The following LRRC28 variants were observed in gnomAD, a reference collection of about 807,000 sequenced individuals.
LRRC28 encodes leucine rich repeat containing 28.
LRRC28 carries 39 observed loss-of-function variants against 45.7 expected under a neutral mutation model. That is an observed-to-expected ratio of 0.85 (90% CI 0.66 to 1.12). The LOEUF (loss-of-function observed/expected upper bound fraction) is 1.12. Ranked by LOEUF, LRRC28 falls within the 50% of genes most tolerant of loss-of-function variation. LRRC28 has a pLI of 0.00. For missense variants in LRRC28, 435 were observed against 438.5 expected (o/e 0.99, Z 0.07); for synonymous variants, 206 against 178.8 (o/e 1.15, Z -1.22).
At chr15:99,333,654 G>T in intron 5 of LRRC28, 2 of 493,842 alleles carry the variant, frequency 4.0e-6, no homozygotes, top group Non-Finnish European at 7.3e-6. Context: ...ACAGACTTCT[G>T]GTTCAGACTC....
At chr15:99,326,112 A>G (rs970069024) in intron 5 of LRRC28, among the ~76,000 whole-genome samples, 1 of 151,936 alleles carries the variant, frequency 6.6e-6, no homozygotes, top group African/African-American at 2.4e-5. Flanking sequence ...TTTGTTCTGT[A>G]TTTCTCTCTA....
intron 6 of LRRC28, among the ~76,000 whole-genome samples, chr15:99,343,635 T>C (rs936277790): frequency 1.3e-5 from 2 of 152,258 alleles, no homozygotes; most frequent in Non-Finnish European, 2.9e-5. Flanking sequence ...CCTTGCGTTA[T>C]AGATTTTACA....
At chr15:99,361,539 T>A in intron 8 of LRRC28, 28 bp downstream of exon 8, 1 of 1,554,352 alleles carries the variant, frequency 6.4e-7, no homozygotes, top group Non-Finnish European at 8.7e-7. Flanking sequence ...TTTTCTTATT[T>A]TTCTCTCTCA....
chr15:99,292,496 C>G, intron 5 of LRRC28, among the ~76,000 whole-genome samples: 1 of 151,390 alleles, frequency 6.6e-6, no homozygotes, highest in Non-Finnish European at 1.5e-5. Flanking sequence ...TCCCGAGTAG[C>G]TGGGACTACA....
chr15:99,355,912 T>C (rs1597417786), intron 7 of LRRC28, among the ~76,000 whole-genome samples: 1 of 152,318 alleles, frequency 6.6e-6, no homozygotes, highest in South Asian at 2.1e-4. Flanking sequence ...ACCAGTATAC[T>C]AAAAGTATCC....
chr15:99,258,364 C>G lies in LRRC28; in HGVS notation c.168+2239C>G, dbSNP rs1233369585. 8 of 1,246,976 alleles carry G rather than the reference C, an allele frequency of 6.4e-6. No homozygotes were observed. The East Asian group carries it at 6.9e-5, about 11-fold the overall frequency. 77.2% of individuals were successfully genotyped at this position (1,246,976 alleles called of 1,614,324 possible). A position where few individuals can be genotyped will look rare whatever the true frequency, so the allele number is the denominator to read the frequency against. Reference sequence around the variant, plus strand: ...CTCTAGGACGGGGAACGACCATTACCCTTGTCTTAAAAGAAAAAGCATTTG... The same window carrying G: ...CTCTAGGACGGGGAACGACCATTACGCTTGTCTTAAAAGAAAAAGCATTTG... On this transcript the variant is annotated intron_variant, in intron 2 of 9. Transcript: ENST00000301981.
intron 5 of LRRC28, among the ~76,000 whole-genome samples, chr15:99,289,849 C>T (rs1470553010): frequency 4.9e-5 from 7 of 141,422 alleles, no homozygotes; most frequent in Non-Finnish European, 7.5e-5. Context: ...AGGAGAATGG[C>T]GTGAACCCGG....
intron 2 of LRRC28, chr15:99,259,424 A>G: frequency 1.4e-6 from 2 of 1,404,952 alleles, no homozygotes; most frequent in Middle Eastern, 1.8e-4. Flanking sequence ...CAGTGAGAAA[A>G]CTAAGGAGAG....
intron 2 of LRRC28, among the ~76,000 whole-genome samples, chr15:99,270,273 G>C (rs997415273): frequency 2.0e-5 from 3 of 152,022 alleles, no homozygotes; most frequent in African/African-American, 7.3e-5. Context: ...GAATTTATTG[G>C]GGTGAAACTG....
chr15:99,288,571 A>G (rs9920227), intron 5 of LRRC28, among the ~76,000 whole-genome samples: 96,060 of 151,532 alleles, frequency 0.63, 30,506 homozygotes, highest in Middle Eastern at 0.76. Context: ...TGGTAGAGAT[A>G]GGGTTTCACC....
chr15:99,271,479 A>G (rs2152154033), intron 2 of LRRC28, among the ~76,000 whole-genome samples: 1 of 152,214 alleles, frequency 6.6e-6, no homozygotes. Flanking sequence ...GGGTTTCACC[A>G]TGTTGGCCAG....
intron 3 of LRRC28, among the ~76,000 whole-genome samples, chr15:99,279,996 G>C (rs2081737769): frequency 6.6e-6 from 1 of 152,072 alleles, no homozygotes; most frequent in African/African-American, 2.4e-5. Context: ...TGTTATTTTA[G>C]TCATTTGGAT....
At chr15:99,292,203 C>T (rs1205808183) in intron 5 of LRRC28, among the ~76,000 whole-genome samples, 2 of 152,162 alleles carry the variant, frequency 1.3e-5, no homozygotes, top group Non-Finnish European at 2.9e-5. Context: ...CTGTTACTGC[C>T]TATCCTCCAG....
At chr15:99,382,821 G>A (rs137979445) in intron 9 of LRRC28, among the ~76,000 whole-genome samples, 207 of 151,792 alleles carry the variant, frequency 1.4e-3, no homozygotes, top group African/African-American at 4.1e-3. Flanking sequence ...TTTTTAATTT[G>A]TTGTGTTATT....
intron 3 of LRRC28, chr15:99,285,512 A>G: frequency 5.5e-6 from 6 of 1,082,446 alleles, no homozygotes; most frequent in Non-Finnish European, 8.3e-6. Flanking sequence ...GTTGTTTCAA[A>G]GCTCAGGCCT....
At position 99,369,696 on chromosome 15, in the gene LRRC28, C is replaced by T. The variant is rs139376851; in HGVS notation, c.1031+6431C>T. 5.4e-3 allele frequency among the ~76,000 whole-genome samples: 816 copies of T among 152,322 alleles called. 8 individuals are homozygous for T. The highest frequency in any genetic ancestry group is 0.019 in the African/African-American group (792 of 41,560). ...ATCATATCTTTAAAAAATGCCTTTA[C>T]AGCAACAGCTAGGCTAGTATTTGAC... On this transcript the variant is annotated intron_variant, in intron 9 of 9. Transcript: ENST00000301981.
chr15:99,308,582 G>A (rs1299030797), intron 5 of LRRC28, among the ~76,000 whole-genome samples: 1 of 152,104 alleles, frequency 6.6e-6, no homozygotes, highest in Non-Finnish European at 1.5e-5. Flanking sequence ...TGAGGTGGGG[G>A]GATTGCTTGA....
intron 7 of LRRC28, among the ~76,000 whole-genome samples, chr15:99,356,586 G>A (rs1255940738): frequency 6.6e-6 from 1 of 152,074 alleles, no homozygotes; most frequent in Admixed American, 6.5e-5. Context: ...ATGTATAATT[G>A]GCATCCTTGA....
At chr15:99,252,417 A>C (rs1412931750) in intron 1 of LRRC28, among the ~76,000 whole-genome samples, 1 of 152,214 alleles carries the variant, frequency 6.6e-6, no homozygotes, top group Non-Finnish European at 1.5e-5. Context: ...TTTTTGAGGC[A>C]GCCAATCCCA....
Sources: allele counts gnomAD v4.1 joint callset (sites outside exome capture counted in the v4.1 genomes callset), GRCh38; gene constraint gnomAD v4.1.1; transcripts MANE v1.5; gene names NCBI Gene and HGNC (gene_info 2026-07-23, HGNC 2026-07-21).